GALNT3: variants seen among roughly 807,000 people sequenced by gnomAD.
The protein encoded by GALNT3 is GalNAc transferase 3.
GALNT3 carries 51 observed loss-of-function variants against 69.8 expected under a neutral mutation model. The observed-to-expected ratio is 0.73, with a 90% CI of 0.58 to 0.92. GALNT3 has a LOEUF of 0.92. GALNT3 is among the 40% of genes least tolerant of loss of function. The probability of loss-of-function intolerance (pLI) is 0.00; values close to 1 mark genes in which losing one functional copy is unlikely to be tolerated. For synonymous variants in GALNT3, 265 were observed against 248.5 expected, an observed-to-expected ratio of 1.07 and a Z score of -0.63; for missense variants, 711 against 760.0, an observed-to-expected ratio of 0.94 and a Z score of 0.76.
At chr2:165,749,999 T>A in intron 9 of GALNT3, 105 bp from the exon 10 acceptor site, 1 of 1,015,456 alleles carries the variant, frequency 9.8e-7, no homozygotes, top group Non-Finnish European at 1.5e-6. Context: ...CATTTCTATT[T>A]CAACAAAATA....
intron 1 of GALNT3, among the ~76,000 whole-genome samples, chr2:165,781,345 T>C (rs1286423807): frequency 6.6e-6 from 1 of 152,152 alleles, no homozygotes; most frequent in Non-Finnish European, 1.5e-5. Context: ...CTCATGCCTG[T>C]AATTACAGCA....
intron 3 of GALNT3, among the ~76,000 whole-genome samples, chr2:165,763,405 G>T (rs1380072184): frequency 6.6e-6 from 1 of 152,130 alleles, no homozygotes; most frequent in East Asian, 1.9e-4. Flanking sequence ...AGAGGAAAGT[G>T]CAGGAACAAC....
At chr2:165,767,308 T>A (rs1337908794) in intron 2 of GALNT3, among the ~76,000 whole-genome samples, 1 of 152,082 alleles carries the variant, frequency 6.6e-6, no homozygotes, top group Non-Finnish European at 1.5e-5. Context: ...TATAAGCATT[T>A]TGAGGAGAAA....
intron 6 of GALNT3, 70 bp downstream of exon 6, chr2:165,758,677 A>C (rs1573998979): frequency 2.0e-6 from 2 of 997,060 alleles, no homozygotes; most frequent in South Asian, 1.3e-5. Flanking sequence ...AATCATATGT[A>C]CCAGCCGATT....
chr2:165,770,707 A>G lies in GALNT3; in HGVS notation c.-7T>C. 1.2e-6 allele frequency: 2 copies of G among 1,601,582 alleles called. No individual in the cohort carries two copies. The highest frequency in any genetic ancestry group is 1.7e-6 in the Non-Finnish European group (2 of 1,179,516). ...GTCGCTTTAGGTGAGCCATTCTGAC[A>G]TTAAAAGCTTGTCACTTGACAAATA... On this transcript the variant is annotated 5_prime_UTR_variant, in exon 2 of 11. The change abolishes an upstream ATG in the 5' untranslated region. Coordinates refer to ENST00000392701, the MANE Select transcript of GALNT3 (RefSeq NM_004482.4).
rs1453794798 is a variant in GALNT3, at chr2:165,749,662, C to A, written c.1779+80G>T. 4 of 1,178,668 alleles carry A rather than the reference C, an allele frequency of 3.4e-6. No individual in the cohort carries two copies. The African/African-American group carries it at 4.5e-5, about 13-fold the overall frequency. The allele number at this position is 1,178,668 out of a possible 1,614,324, so 73.0% of individuals were successfully genotyped here. ...ATTCTGATAGATAATATTAATGTAC[C>A]ATGTTCCACTCATTTTCCCAGATAA... On this transcript the variant is annotated intron_variant, in intron 10 of 10. Coordinates refer to ENST00000392701, the MANE Select transcript of GALNT3 (RefSeq NM_004482.4).
intron 1 of GALNT3, among the ~76,000 whole-genome samples, chr2:165,782,938 G>A (rs1683142919): frequency 6.6e-6 from 1 of 152,128 alleles, no homozygotes; most frequent in African/African-American, 2.4e-5. Context: ...CTATAGTACT[G>A]CTTACGTATT....
intron 1 of GALNT3, among the ~76,000 whole-genome samples, chr2:165,786,949 T>C (rs1318003507): frequency 2.0e-5 from 3 of 152,188 alleles, no homozygotes; most frequent in Admixed American, 6.5e-5. Flanking sequence ...TGAGAATAAA[T>C]ATAAACTATT....
intron 1 of GALNT3, among the ~76,000 whole-genome samples, chr2:165,785,912 T>C (rs1683209330): frequency 1.3e-5 from 2 of 152,126 alleles, no homozygotes; most frequent in Admixed American, 6.5e-5. Flanking sequence ...AATAGATATA[T>C]GGAAACACTA....
intron 1 of GALNT3, among the ~76,000 whole-genome samples, chr2:165,774,033 C>A (rs184918800): frequency 2.0e-5 from 3 of 152,234 alleles, no homozygotes; most frequent in Admixed American, 2.0e-4. Context: ...GGATTCAGGG[C>A]ACTTCCAGAA....
At chr2:165,764,265 C>T (rs1688600465) in intron 3 of GALNT3, among the ~76,000 whole-genome samples, 1 of 152,006 alleles carries the variant, frequency 6.6e-6, no homozygotes, top group East Asian at 1.9e-4. Context: ...CATGGTGACT[C>T]TTTTTAACTA....
chr2:165,752,535 C>A (rs1487133741), intron 9 of GALNT3, among the ~76,000 whole-genome samples: 1 of 152,220 alleles, frequency 6.6e-6, no homozygotes, highest in South Asian at 2.1e-4. Flanking sequence ...TCCCATCCCC[C>A]AATTTCTAAA....
chr2:165,770,214 C>G lies in GALNT3; in HGVS notation c.487G>C (p.Asp163His), dbSNP rs758500603. ...FASDRISLHR[D>H]LGPDTRPPEC... ...GGAGGTCGAGTGTCTGGTCCAAGATCTCGGTGCAAAGAAATCCTGTCACTT... is the reference window on the plus strand; with the variant it reads ...GGAGGTCGAGTGTCTGGTCCAAGATGTCGGTGCAAAGAAATCCTGTCACTT... Residue 163 changes from aspartate (D) to histidine (H), a missense_variant, in exon 2 of 11, where the codon GAT becomes CAT. Coordinates refer to ENST00000392701, the MANE Select transcript of GALNT3 (RefSeq NM_004482.4). 1.2e-6 allele frequency: 2 copies of G among 1,614,124 alleles called. No individual in the cohort carries two copies. The highest frequency in any genetic ancestry group is 1.7e-6 in the Non-Finnish European group (2 of 1,180,020).
intron 7 of GALNT3, among the ~76,000 whole-genome samples, chr2:165,755,485 C>G (rs1242611994): frequency 1.3e-5 from 2 of 152,154 alleles, no homozygotes; most frequent in East Asian, 3.9e-4. Flanking sequence ...CACAATGCAA[C>G]TTCTATCTCT....
At chr2:165,764,541 T>G (rs1688605015) in intron 3 of GALNT3, among the ~76,000 whole-genome samples, 1 of 152,168 alleles carries the variant, frequency 6.6e-6, no homozygotes, top group South Asian at 2.1e-4. Context: ...AGAGGTTGAG[T>G]AACTTGCCCA....
intron 1 of GALNT3, among the ~76,000 whole-genome samples, chr2:165,781,201 C>T (rs989155068): frequency 1.3e-5 from 2 of 152,126 alleles, no homozygotes; most frequent in African/African-American, 4.8e-5. Context: ...GCTGCAGAGC[C>T]TTCTTCTACT....
At chr2:165,756,925 T>G in intron 7 of GALNT3, 122 bp downstream of exon 7, 1 of 744,618 alleles carries the variant, frequency 1.3e-6, no homozygotes, top group South Asian at 1.6e-5. Flanking sequence ...GTCATGTACT[T>G]TAAGAGTTAA....
At chr2:165,762,193 A>C in intron 3 of GALNT3, 139 bp from the exon 4 acceptor site, 3 of 710,132 alleles carry the variant, frequency 4.2e-6, no homozygotes, top group Non-Finnish European at 7.0e-6. Context: ...CAGCAAAATG[A>C]AAATTTTATC....
chr2:165,794,024 GGGCAGGGCAGGGTGGCGGGAAGCGGC>G lies in GALNT3; in HGVS notation c.-144_-119del, dbSNP rs1683409829. ...CCTGCCGCCGGCTTACCTGGCGGGTGGGCAGGGCAGGGTGGCGGGAAGCGGCGGCCGGGCAGGCGCTGGACGTGGGC... is the reference window on the plus strand; with the variant it reads ...CCTGCCGCCGGCTTACCTGGCGGGTGGGCCGGGCAGGCGCTGGACGTGGGC... On this transcript the variant is annotated 5_prime_UTR_variant, in exon 1 of 11. Coordinates refer to ENST00000392701, the MANE Select transcript of GALNT3 (RefSeq NM_004482.4). The G allele has an allele frequency of 6.6e-6, 1 of 152,414 alleles. No homozygotes were observed. Among genetic ancestry groups the G allele is most frequent in the Non-Finnish European group, 1.5e-5 (1 of 68,192 alleles). 9.4% of individuals were successfully genotyped at this position (152,414 alleles called of 1,614,324 possible).
Sources: allele counts gnomAD v4.1 joint callset (sites outside exome capture counted in the v4.1 genomes callset), GRCh38; gene constraint gnomAD v4.1.1; transcripts MANE v1.5; gene names NCBI Gene and HGNC (gene_info 2026-07-23, HGNC 2026-07-21).